Variants in BLVRA observed in about 807,000 individuals in gnomAD.
BLVRA encodes the protein BVR A.
BLVRA carries 22 observed loss-of-function variants against 32.8 expected under a neutral mutation model. The observed-to-expected ratio is 0.67, with a 90% CI of 0.48 to 0.96. The LOEUF (loss-of-function observed/expected upper bound fraction) is 0.96, where lower values mean the gene tolerates loss of function less well. BLVRA is among the 40% of genes least tolerant of loss of function. BLVRA has a pLI of 0.00. For synonymous variants in BLVRA, 119 were observed against 141.3 expected (o/e 0.84, Z 1.12); for missense variants, 323 against 358.1 (o/e 0.90, Z 0.79).
chr7:43,763,135 G>A (rs1000091063), intron 1 of BLVRA, among the ~76,000 whole-genome samples: 3 of 152,150 alleles, frequency 2.0e-5, no homozygotes, highest in African/African-American at 7.2e-5. Context: ...GCCAACAAGT[G>A]ATGGTGAGGC....
chr7:43,788,233 T>C (rs1019821173), intron 3 of BLVRA, among the ~76,000 whole-genome samples: 5 of 152,092 alleles, frequency 3.3e-5, no homozygotes, highest in African/African-American at 1.2e-4. Context: ...GCACAGTAGG[T>C]TGGCCTGGGA....
At chr7:43,782,347 A>C (rs549535601) in intron 2 of BLVRA, among the ~76,000 whole-genome samples, 1 of 152,360 alleles carries the variant, frequency 6.6e-6, no homozygotes, top group South Asian at 2.1e-4. Flanking sequence ...CATCGGCCAC[A>C]GTCGGGCTTT....
chr7:43,789,271 A>C (rs1470516690), intron 3 of BLVRA, among the ~76,000 whole-genome samples: 1 of 152,206 alleles, frequency 6.6e-6, no homozygotes, highest in African/African-American at 2.4e-5. Context: ...TACACAAAGC[A>C]TAAGTAACAA....
intron 2 of BLVRA, among the ~76,000 whole-genome samples, chr7:43,780,485 C>T (rs2095767707): frequency 2.0e-5 from 3 of 152,176 alleles, no homozygotes; most frequent in Admixed American, 6.5e-5. Context: ...AGTGGGACCA[C>T]CATATCTTTC....
intron 1 of BLVRA, among the ~76,000 whole-genome samples, chr7:43,759,651 T>C (rs914123067): frequency 1.3e-5 from 2 of 152,236 alleles, no homozygotes; most frequent in Non-Finnish European, 2.9e-5. Context: ...TCAGTAAATG[T>C]TAGCTGTCAT....
chr7:43,784,310 G>C (rs1326124949), intron 2 of BLVRA, among the ~76,000 whole-genome samples: 1 of 152,142 alleles, frequency 6.6e-6, no homozygotes, highest in Non-Finnish European at 1.5e-5. Flanking sequence ...TCCACTGGGC[G>C]TTTCTCACTG....
At chr7:43,800,343 A>C (rs1173445735) in intron 5 of BLVRA, 122 bp from the exon 6 acceptor site, 2 of 916,210 alleles carry the variant, frequency 2.2e-6, no homozygotes, top group Non-Finnish European at 3.5e-6. Flanking sequence ...CATCCTGGCC[A>C]TGTGCCCAGG....
At chr7:43,791,389 G>A (rs2095785963) in intron 4 of BLVRA, 21 bp downstream of exon 4, 1 of 1,613,932 alleles carries the variant, frequency 6.2e-7, no homozygotes, top group Non-Finnish European at 8.5e-7. Flanking sequence ...CACACAGGCA[G>A]TCCTTGCCTT....
In BLVRA at chr7:43,792,832, G is replaced by A. The variant is rs755783915; in HGVS notation, c.352+20G>A. 8.1e-6 allele frequency: 13 copies of A among 1,609,162 alleles called. No homozygotes were observed. Among genetic ancestry groups the A allele is most frequent in the Non-Finnish European group, 1.1e-5 (13 of 1,176,108 alleles). Reference sequence around the variant, plus strand: ...AGAAAGGTAATGTATCTTACCAAGAGTTTCTGCCTCCAGGATTTCTGTGAT... The same window carrying A: ...AGAAAGGTAATGTATCTTACCAAGAATTTCTGCCTCCAGGATTTCTGTGAT... On this transcript the variant is annotated intron_variant, in intron 5 of 7. Coordinates refer to ENST00000265523, the MANE Select transcript of BLVRA (RefSeq NM_000712.4).
At chr7:43,766,138 C>T (rs1429798470) in intron 1 of BLVRA, among the ~76,000 whole-genome samples, 1 of 151,510 alleles carries the variant, frequency 6.6e-6, no homozygotes, top group Non-Finnish European at 1.5e-5. Flanking sequence ...AAATAATTAG[C>T]GTGGTGGTGT....
intron 5 of BLVRA, among the ~76,000 whole-genome samples, chr7:43,800,236 A>G (rs2095797190): frequency 6.6e-6 from 1 of 152,208 alleles, no homozygotes; most frequent in African/African-American, 2.4e-5. Flanking sequence ...GATTACAGGC[A>G]TGAGCCACCA....
intron 2 of BLVRA, among the ~76,000 whole-genome samples, chr7:43,774,030 T>C (rs1383742444): frequency 1.3e-5 from 2 of 152,252 alleles, no homozygotes; most frequent in Non-Finnish European, 2.9e-5. Flanking sequence ...TTGTAGATTC[T>C]GGATATTAGC....
chr7:43,766,920 C>G (rs1055079901), intron 1 of BLVRA, among the ~76,000 whole-genome samples: 10 of 152,128 alleles, frequency 6.6e-5, no homozygotes, highest in African/African-American at 2.2e-4. Flanking sequence ...TCACTTGAAC[C>G]CAGGAGTTCG....
At chr7:43,800,696 T>A in intron 6 of BLVRA, 124 bp downstream of exon 6, 2 of 857,068 alleles carry the variant, frequency 2.3e-6, no homozygotes, top group Non-Finnish European at 3.8e-6. Context: ...CAGGGCCACT[T>A]AATTTTCCCA....
At chr7:43,774,040 C>G (rs1486711181) in intron 2 of BLVRA, among the ~76,000 whole-genome samples, 1 of 152,064 alleles carries the variant, frequency 6.6e-6, no homozygotes, top group Non-Finnish European at 1.5e-5. Flanking sequence ...TGGATATTAG[C>G]CCTTTGTCAG....
intron 2 of BLVRA, among the ~76,000 whole-genome samples, chr7:43,781,353 CTT>C (rs138737365): frequency 6.6e-6 from 1 of 151,550 alleles, no homozygotes; most frequent in South Asian, 2.1e-4. Context: ...GTGTGATATA[CTT>C]TTTTTTTCCT....
chr7:43,801,977 A>G (rs964359558), intron 6 of BLVRA, among the ~76,000 whole-genome samples: 2 of 152,136 alleles, frequency 1.3e-5, no homozygotes, highest in African/African-American at 4.8e-5. Context: ...TCTACTAAAA[A>G]AAAAAAATAC....
chr7:43,790,236 G>A (rs2095783954), intron 3 of BLVRA, among the ~76,000 whole-genome samples: 1 of 152,046 alleles, frequency 6.6e-6, no homozygotes, highest in African/African-American at 2.4e-5. Context: ...CGGACTGCTG[G>A]GGCTTTGGCT....
intron 7 of BLVRA, 132 bp downstream of exon 7, chr7:43,803,979 A>G: frequency 1.9e-6 from 2 of 1,045,236 alleles, no homozygotes; most frequent in Non-Finnish European, 2.9e-6. Flanking sequence ...GCTTCTGCAG[A>G]TGGAGTGCTG....
Sources: gnomAD v4.1 joint callset for allele counts (sites outside exome capture counted in the v4.1 genomes callset) on GRCh38, gnomAD v4.1.1 for gene constraint, MANE v1.5 for transcripts, NCBI Gene and HGNC (gene_info 2026-07-23, HGNC 2026-07-21) for gene names.